The following ZNF366 variants were observed in gnomAD, a reference collection of about 807,000 sequenced individuals.
ZNF366 encodes zinc finger protein 366.
ZNF366 carries 20 observed loss-of-function variants against 47.2 expected under a neutral mutation model. The observed-to-expected ratio is 0.42, with a 90% CI of 0.30 to 0.62. The LOEUF is 0.62. Among genes scored for constraint, ZNF366 ranks in the 20% least tolerant of loss-of-function variants. The pLI, the probability that ZNF366 is intolerant of heterozygous loss-of-function variation, is 0.16. For synonymous variants in ZNF366, 421 were observed against 395.1 expected (o/e 1.07, Z -0.78); for missense variants, 987 against 976.3 (o/e 1.01, Z -0.15).
At chr5:72,468,071 A>G (rs1009061498) in intron 1 of ZNF366, among the ~76,000 whole-genome samples, 1 of 152,224 alleles carries the variant, frequency 6.6e-6, no homozygotes, top group Non-Finnish European at 1.5e-5. Context: ...ACGTTTCAAC[A>G]TAATTGTCTT....
intron 1 of ZNF366, among the ~76,000 whole-genome samples, chr5:72,472,959 C>T (rs1743600159): frequency 6.6e-6 from 1 of 152,210 alleles, no homozygotes. Flanking sequence ...ACTATGCCCA[C>T]ACCCTCGAGG....
intron 1 of ZNF366, among the ~76,000 whole-genome samples, chr5:72,486,870 C>A (rs1032328458): frequency 6.6e-6 from 1 of 152,010 alleles, no homozygotes; most frequent in Admixed American, 6.5e-5. Context: ...CTCTGCATCC[C>A]GGGTTCAAGC....
At chr5:72,489,906 GCTATCA>G (rs1743970985) in intron 1 of ZNF366, among the ~76,000 whole-genome samples, 1 of 152,228 alleles carries the variant, frequency 6.6e-6, no homozygotes, top group Non-Finnish European at 1.5e-5. Flanking sequence ...GCATCATGCT[GCTATCA>G]CTTAACTGGA....
Position 72,442,761 on chromosome 5 carries a change from A to G in ZNF366, c.*995T>C, listed in dbSNP as rs1742883439. On this transcript the variant is annotated 3_prime_UTR_variant, in exon 5 of 5. Transcript: ENST00000318442. ...CTGCAATCTCCACTGCCTGGGTTCA[A>G]ACGATTCTCCTGCTTCAGCCTCCCG... 6.6e-6 allele frequency: 1 copy of G among 151,500 alleles called. No homozygotes were observed. The highest frequency in any genetic ancestry group is 2.4e-5 in the African/African-American group (1 of 41,138). 9.4% of individuals were successfully genotyped at this position (151,500 alleles called of 1,614,324 possible).
chr5:72,501,409 T>C lies in ZNF366; in HGVS notation c.-15+5842A>G, dbSNP rs1384123228. Among the ~76,000 whole-genome samples the C allele has an allele frequency of 3.3e-5, 5 of 152,214 alleles. No individual in the cohort carries two copies. The East Asian group carries it at 9.6e-4, about 29-fold the overall frequency. On this transcript the variant is annotated intron_variant, in intron 1 of 4. Transcript: ENST00000318442. The stretch of plus-strand genomic sequence containing the variant: ...AATTAACAGACACCTAGAACCCCAA[T>C]GTTGTTAAATGTAAAAAGCATCATC...
intron 1 of ZNF366, among the ~76,000 whole-genome samples, chr5:72,464,088 T>G (rs1180763372): frequency 1.3e-5 from 2 of 152,198 alleles, no homozygotes; most frequent in African/African-American, 4.8e-5. Context: ...ACTGGTTCTC[T>G]TTTTAAAAAT....
chr5:72,502,332 A>C lies in ZNF366; in HGVS notation c.-15+4919T>G, dbSNP rs149046878. Among the ~76,000 whole-genome samples, 1,420 of 152,326 alleles carry C rather than the reference A, an allele frequency of 9.3e-3. 17 individuals carry two copies. Among genetic ancestry groups the C allele is most frequent in the Middle Eastern group, 0.051 (15 of 294 alleles). On this transcript the variant is annotated intron_variant, in intron 1 of 4. Coordinates refer to ENST00000318442, the MANE Select transcript of ZNF366 (RefSeq NM_152625.3). ...TTATGTAAATGTATTTGGTTTTTGA[A>C]TAGTCTAAAAGAACAGCCTTCATTA...
chr5:72,496,190 T>G (rs184442185), intron 1 of ZNF366, among the ~76,000 whole-genome samples: 261 of 152,280 alleles, frequency 1.7e-3, no homozygotes, highest in South Asian at 0.01. Context: ...TTTAGAAAAT[T>G]TATACAGTTG....
rs543943464 is a variant in ZNF366 at position 72,444,193 on chromosome 5, T to C, written c.1798A>G (p.Lys600Glu). The change falls in exon 5 of 5, where the codon AAG becomes GAG. Residue 600 changes from lysine (K) to glutamate (E), a missense_variant. Coordinates refer to ENST00000318442, the MANE Select transcript of ZNF366 (RefSeq NM_152625.3). Reference sequence around the variant, plus strand: ...CCGTCTGACTGGAACACCGGCACCTTGGCCCGGCGCTTCTGAGAGAGGTCA... The same window carrying C: ...CCGTCTGACTGGAACACCGGCACCTCGGCCCGGCGCTTCTGAGAGAGGTCA... ...PFDLSQKRRAKVPVFQSDGES... is the reference protein window; with the variant it reads ...PFDLSQKRRAEVPVFQSDGES... The C allele has an allele frequency of 6.2e-7, 1 of 1,613,440 alleles. No homozygotes were observed. The highest frequency in any genetic ancestry group is 8.5e-7 in the Non-Finnish European group (1 of 1,180,030).
At position 72,460,606 on chromosome 5, in the gene ZNF366, A is replaced by G. The variant is rs769855296; in HGVS notation, c.891T>C (p.His297=). ...GKLFKQLSHL[H]THMLTHQGTR... ...TGCCCTGGTGGGTCAGCATGTGGGTATGCAGGTGGCTGAGCTGCTTGAAGA... is the reference window on the plus strand; with the variant it reads ...TGCCCTGGTGGGTCAGCATGTGGGTGTGCAGGTGGCTGAGCTGCTTGAAGA... The change falls in exon 2 of 5, where the codon CAT becomes CAC. Residue 297 remains histidine, a synonymous_variant. Transcript: ENST00000318442. 6.2e-7 allele frequency: 1 copy of G among 1,614,118 alleles called. No homozygotes were observed. The highest frequency in any genetic ancestry group is 8.5e-7 in the Non-Finnish European group (1 of 1,180,034).
chr5:72,444,343 G>T, intron 4 of ZNF366, 52 bp from the exon 5 acceptor site: 1 of 1,546,892 alleles, frequency 6.5e-7, no homozygotes, highest in Non-Finnish European at 8.7e-7. Flanking sequence ...TGTGGAAATG[G>T]GACCTTGAGG....
At chr5:72,501,118 A>AT (rs1360804166) in intron 1 of ZNF366, among the ~76,000 whole-genome samples, 20 of 152,314 alleles carry the variant, frequency 1.3e-4, no homozygotes, top group African/African-American at 4.8e-4. Context: ...GGTAAGTGAA[A>AT]TGAAGTATCT....
intron 2 of ZNF366, among the ~76,000 whole-genome samples, chr5:72,458,392 C>T (rs1422367494): frequency 6.6e-6 from 1 of 152,184 alleles, no homozygotes; most frequent in Non-Finnish European, 1.5e-5. Context: ...GACGTTTCTG[C>T]TTATCACTGT....
At chr5:72,489,879 T>C (rs973961959) in intron 1 of ZNF366, among the ~76,000 whole-genome samples, 3 of 152,178 alleles carry the variant, frequency 2.0e-5, no homozygotes, top group African/African-American at 7.2e-5. Context: ...CCACAGATAA[T>C]GCTCCACAAT....
intron 1 of ZNF366, among the ~76,000 whole-genome samples, chr5:72,462,546 T>TCTTTCTTTCTTTCTTTCTTTCTTTC (rs1491387903): frequency 1.2e-5 from 1 of 82,672 alleles, no homozygotes; most frequent in East Asian, 1.3e-3. Flanking sequence ...TTTCTTTCTT[T>TCTTTCTTTCTTTCTTTCTTTCTTTC]CTTTTTTTTT....
chr5:72,505,559 C>T (rs1341967985), intron 1 of ZNF366, among the ~76,000 whole-genome samples: 4 of 152,206 alleles, frequency 2.6e-5, no homozygotes, highest in Non-Finnish European at 4.4e-5. Context: ...AATGACTCTG[C>T]TGTCATTTGT....
chr5:72,454,680 T>G (rs1357609619), intron 3 of ZNF366, among the ~76,000 whole-genome samples: 1 of 152,246 alleles, frequency 6.6e-6, no homozygotes, highest in Non-Finnish European at 1.5e-5. Flanking sequence ...ATTCAGTTAA[T>G]GCTTGAAGCC....
chr5:72,447,698 G>T (rs1742988388), intron 3 of ZNF366, among the ~76,000 whole-genome samples: 1 of 152,168 alleles, frequency 6.6e-6, no homozygotes, highest in South Asian at 2.1e-4. Context: ...AAAAGGAGAA[G>T]AGCTGATCTA....
intron 3 of ZNF366, among the ~76,000 whole-genome samples, chr5:72,452,073 CAGCCTGGTGTG>C (rs1039585814): frequency 4.6e-5 from 7 of 152,222 alleles, no homozygotes; most frequent in Non-Finnish European, 7.3e-5. Context: ...TCGCCCCAGC[CAGCCTGGTGTG>C]AGCTTTAAAA....
Sources: gnomAD v4.1 joint callset for allele counts (sites outside exome capture counted in the v4.1 genomes callset) on GRCh38, gnomAD v4.1.1 for gene constraint, MANE v1.5 for transcripts, NCBI Gene and HGNC (gene_info 2026-07-23, HGNC 2026-07-21) for gene names.